Variants in ATP1B3 observed in about 807,000 individuals in gnomAD.
ATP1B3 encodes ATPase Na+/K+ transporting subunit beta 3, also known as sodium/potassium-transporting ATPase subunit beta-3.
In ATP1B3, 10 loss-of-function variants were observed where a neutral mutation model predicts 30.2. That is an observed-to-expected ratio of 0.33 (90% CI 0.20 to 0.56). ATP1B3 has a LOEUF of 0.56. Ranked by LOEUF, ATP1B3 falls within the 20% of genes least tolerant of loss-of-function variation. ATP1B3 has a pLI of 0.90. For synonymous variants in ATP1B3, 113 were observed against 117.0 expected, an observed-to-expected ratio of 0.97 and a Z score of 0.22; for missense variants, 238 against 336.7, an observed-to-expected ratio of 0.71 and a Z score of 2.29.
At chr3:141,904,371 ATATAGT>A (rs1377317299) in intron 2 of ATP1B3, among the ~76,000 whole-genome samples, 4 of 151,966 alleles carry the variant, frequency 2.6e-5, no homozygotes, top group Non-Finnish European at 4.4e-5. Flanking sequence ...CGTTTGAAGA[ATATAGT>A]TATAGTTATG....
intron 1 of ATP1B3, chr3:141,902,144 T>C: frequency 3.1e-6 from 4 of 1,289,706 alleles, no homozygotes; most frequent in African/African-American, 3.0e-5. Context: ...AGGATCGCAG[T>C]ATGTGGTAGG....
At position 141,885,163 on chromosome 3, in the gene ATP1B3, T is replaced by C. The variant is rs565785707; in HGVS notation, c.109+8253T>C. ...GTCTAGGCTCCAGACTTAGCCAAAT[T>C]GTGCCGGTGCTATTCAATAACATCG... On this transcript the variant is annotated intron_variant, in intron 1 of 6. Coordinates refer to ENST00000286371, the MANE Select transcript of ATP1B3 (RefSeq NM_001679.4). Among the ~76,000 whole-genome samples the C allele has an allele frequency of 3.9e-5, 6 of 152,332 alleles. No individual in the cohort carries two copies. In the South Asian group the frequency reaches 1.0e-3, roughly 26 times the overall value.
chr3:141,902,239 G>A, intron 1 of ATP1B3: 2 of 1,277,976 alleles, frequency 1.6e-6, no homozygotes, highest in South Asian at 2.5e-5. Flanking sequence ...TAATTGGGGG[G>A]GAGGGGTAGA....
At chr3:141,897,830 C>T (rs949457146) in intron 1 of ATP1B3, among the ~76,000 whole-genome samples, 1 of 152,200 alleles carries the variant, frequency 6.6e-6, no homozygotes, top group African/African-American at 2.4e-5. Context: ...CCACCTCAGC[C>T]TCCTAAGTAG....
intron 5 of ATP1B3, among the ~76,000 whole-genome samples, chr3:141,920,143 G>A (rs920497095): frequency 6.6e-6 from 1 of 152,154 alleles, no homozygotes. Context: ...TTGAGCGTCT[G>A]CCACACCTGA....
intron 2 of ATP1B3, among the ~76,000 whole-genome samples, chr3:141,906,070 T>C (rs1250294959): frequency 5.3e-5 from 8 of 151,772 alleles, no homozygotes; most frequent in Admixed American, 1.3e-4. Flanking sequence ...ACATATAATA[T>C]GTATTATATG....
Position 141,916,184 on chromosome 3 carries a change from T to C in ATP1B3, c.582+164T>C, listed in dbSNP as rs187830765. Reference sequence around the variant, plus strand: ...CAACCGTAGTCTTTCTCTTCCTTAATGATAATTCAGAAAGACATTTTCCAT... The same window carrying C: ...CAACCGTAGTCTTTCTCTTCCTTAACGATAATTCAGAAAGACATTTTCCAT... On this transcript the variant is annotated intron_variant, in intron 5 of 6. Coordinates refer to ENST00000286371, the MANE Select transcript of ATP1B3 (RefSeq NM_001679.4). 5.9e-5 allele frequency among the ~76,000 whole-genome samples: 9 copies of C among 152,380 alleles called. No individual in the cohort carries two copies. The East Asian group carries it at 1.5e-3, about 26-fold the overall frequency.
rs1457201937 is a variant in ATP1B3, at chr3:141,889,853, C to T, written c.109+12943C>T. ...TACATATATATATATATACAGTTCT[C>T]CAAAAAAGCTGTACCAGTTTATACT... On this transcript the variant is annotated intron_variant, in intron 1 of 6. Transcript: ENST00000286371. Among the ~76,000 whole-genome samples, 21 of 147,290 alleles carry T rather than the reference C, an allele frequency of 1.4e-4. No individual in the cohort carries two copies. In the Admixed American group the frequency reaches 1.4e-3, roughly 10 times the overall value.
At chr3:141,881,399 G>T (rs562882152) in intron 1 of ATP1B3, among the ~76,000 whole-genome samples, 2 of 152,106 alleles carry the variant, frequency 1.3e-5, no homozygotes, top group African/African-American at 4.8e-5. Flanking sequence ...AAAACTGTTA[G>T]CACCTATATT....
At chr3:141,896,706 GT>G (rs1934074152) in intron 1 of ATP1B3, among the ~76,000 whole-genome samples, 1 of 151,918 alleles carries the variant, frequency 6.6e-6, no homozygotes, top group Admixed American at 6.6e-5. Context: ...TTTCTACTAA[GT>G]TTTTTATTTC....
chr3:141,905,494 C>G (rs780361930), intron 2 of ATP1B3, among the ~76,000 whole-genome samples: 5 of 152,222 alleles, frequency 3.3e-5, no homozygotes, highest in Non-Finnish European at 5.9e-5. Context: ...GTATAGACTT[C>G]TGAGCTATAT....
intron 1 of ATP1B3, among the ~76,000 whole-genome samples, chr3:141,900,813 C>G (rs975246700): frequency 3.9e-5 from 6 of 152,046 alleles, no homozygotes; most frequent in African/African-American, 1.4e-4. Context: ...GAAGGGGTCT[C>G]TCTCTGTCAC....
chr3:141,906,531 T>C (rs1461353229), intron 2 of ATP1B3, among the ~76,000 whole-genome samples: 1 of 152,238 alleles, frequency 6.6e-6, no homozygotes, highest in African/African-American at 2.4e-5. Context: ...GGAAGCCTGA[T>C]TGCTTGCCTT....
chr3:141,905,656 A>G (rs946697846), intron 2 of ATP1B3, among the ~76,000 whole-genome samples: 1 of 152,228 alleles, frequency 6.6e-6, no homozygotes, highest in African/African-American at 2.4e-5. Flanking sequence ...GTCAGAGATT[A>G]GTTCCATGCT....
chr3:141,894,577 T>C (rs1430550796), intron 1 of ATP1B3, among the ~76,000 whole-genome samples: 1 of 152,222 alleles, frequency 6.6e-6, no homozygotes, highest in East Asian at 1.9e-4. Flanking sequence ...AGTTTTAACT[T>C]TTTAAACTTT....
intron 4 of ATP1B3, among the ~76,000 whole-genome samples, chr3:141,914,663 TC>T (rs1338892183): frequency 1.3e-5 from 2 of 152,318 alleles, no homozygotes; most frequent in Admixed American, 1.3e-4. Flanking sequence ...TGTAGACTTC[TC>T]AAAATCATGA....
At chr3:141,887,337 CT>C (rs769279333) in intron 1 of ATP1B3, among the ~76,000 whole-genome samples, 14 of 152,288 alleles carry the variant, frequency 9.2e-5, no homozygotes, top group Middle Eastern at 3.4e-3. Context: ...GGACTCTTGG[CT>C]TTGTTCTTTT....
At chr3:141,890,284 G>GC (rs200681172) in intron 1 of ATP1B3, among the ~76,000 whole-genome samples, 1,396 of 40,190 alleles carry the variant, frequency 0.035, 140 homozygotes, top group African/African-American at 0.066. Context: ...TTTTTGTGGG[G>GC]CTTTTTTTTT....
intron 6 of ATP1B3, among the ~76,000 whole-genome samples, chr3:141,923,996 C>G (rs1039353917): frequency 6.6e-6 from 1 of 152,166 alleles, no homozygotes; most frequent in Non-Finnish European, 1.5e-5. Flanking sequence ...GAGGTTTCTA[C>G]AATATACTTT....
Sources: gnomAD v4.1 joint callset for allele counts (sites outside exome capture counted in the v4.1 genomes callset) on GRCh38, gnomAD v4.1.1 for gene constraint, MANE v1.5 for transcripts, NCBI Gene and HGNC (gene_info 2026-07-23, HGNC 2026-07-21) for gene names.